Variants in TMPRSS15 observed in about 807,000 individuals in gnomAD.
The protein encoded by TMPRSS15 is transmembrane serine protease 15.
In TMPRSS15, 128 loss-of-function variants were observed where a neutral mutation model predicts 125.3. The ratio of observed to expected loss-of-function variants is 1.02; its 90% CI spans 0.89 to 1.18. The LOEUF (loss-of-function observed/expected upper bound fraction) is 1.18, where lower values mean the gene tolerates loss of function less well. TMPRSS15 is among the 50% of genes most tolerant of loss of function. The pLI is 0.00. For synonymous variants in TMPRSS15, 446 were observed against 423.2 expected (o/e 1.05, Z -0.66); for missense variants, 1,283 against 1,212.7 (o/e 1.06, Z -0.86).
chr21:18,383,794 G>T lies in TMPRSS15; in HGVS notation c.345-16C>A, dbSNP rs1347892598. On this transcript the variant is annotated splice_polypyrimidine_tract_variant and intron_variant, in intron 3 of 24. Coordinates refer to ENST00000284885, the MANE Select transcript of TMPRSS15 (RefSeq NM_002772.3). ...GCTGCCATTTCTGCAAAGCAAAAGA[G>T]GATATAAGAGGAAAAAGTCAGCCAT... The T allele has an allele frequency of 1.9e-6, 3 of 1,610,260 alleles. No homozygotes were observed. In the African/African-American group the frequency reaches 4.0e-5, roughly 22 times the overall value.
At position 18,352,951 on chromosome 21, in the gene TMPRSS15, A is replaced by T. The variant is rs946527463; in HGVS notation, c.1123T>A (p.Ser375Thr). Reference protein sequence around the residue: ...EWERIQGSTFSPFTGPNFDHT... With the variant: ...EWERIQGSTFTPFTGPNFDHT... ...TCAAAATTGGGTCCAGTAAAAGGAG[A>T]AAAGGTGCTTCCCTGAATCCTTTCC... The change falls in exon 10 of 25, where the codon TCT (serine) becomes ACT (threonine). Residue 375 changes from serine to threonine, a missense_variant. By Grantham distance (58) the Ser-to-Thr change is moderately conservative (BLOSUM62 1). Transcript: ENST00000284885. 1 of 1,612,286 alleles carries T rather than the reference A, an allele frequency of 6.2e-7. No homozygotes were observed. The highest frequency in any genetic ancestry group is 8.5e-7 in the Non-Finnish European group (1 of 1,178,876).
intron 1 of TMPRSS15, among the ~76,000 whole-genome samples, chr21:18,457,308 C>T (rs1473373958): frequency 6.6e-6 from 1 of 151,962 alleles, no homozygotes; most frequent in Non-Finnish European, 1.5e-5. Context: ...ATATTTGAGG[C>T]TTTCATATTT....
chr21:18,355,790 C>A (rs2147013064), intron 8 of TMPRSS15, among the ~76,000 whole-genome samples: 1 of 151,926 alleles, frequency 6.6e-6, no homozygotes. Context: ...GCTTCTCTAT[C>A]TCACCAACTA....
chr21:18,364,790 T>A (rs955362108), intron 7 of TMPRSS15, among the ~76,000 whole-genome samples: 1 of 152,144 alleles, frequency 6.6e-6, no homozygotes, highest in Non-Finnish European at 1.5e-5. Flanking sequence ...AGAAAATATT[T>A]TATAGACAAA....
chr21:18,341,292 A>T, intron 13 of TMPRSS15, 121 bp downstream of exon 13: 1 of 1,250,450 alleles, frequency 8.0e-7, no homozygotes, highest in African/African-American at 1.5e-5. Flanking sequence ...GCTGGTCTCA[A>T]ACTCCTGGCT....
At chr21:18,422,101 A>G (rs2076193408) in intron 1 of TMPRSS15, among the ~76,000 whole-genome samples, 1 of 150,944 alleles carries the variant, frequency 6.6e-6, no homozygotes, top group East Asian at 2.0e-4. Flanking sequence ...CTTCTGCCTC[A>G]GCCTCCTGAG....
At chr21:18,428,387 A>T (rs558360100) in intron 1 of TMPRSS15, among the ~76,000 whole-genome samples, 1 of 152,316 alleles carries the variant, frequency 6.6e-6, no homozygotes, top group South Asian at 2.1e-4. Context: ...AGAAATTTGC[A>T]TAAGTAACAA....
rs1261134107 is a variant in TMPRSS15, at chr21:18,324,374, A to G, written c.1921+2058T>C. On this transcript the variant is annotated intron_variant, in intron 16 of 24. Coordinates refer to ENST00000284885, the MANE Select transcript of TMPRSS15 (RefSeq NM_002772.3). ...TTTTGTGGAAATGTGTGTGTTCTGC[A>G]CAAGAGGTTTTGAATTGTTGTGCAT... Among the ~76,000 whole-genome samples, 5 of 152,232 alleles carry G rather than the reference A, an allele frequency of 3.3e-5. No homozygotes were observed. The East Asian group carries it at 7.7e-4, about 24-fold the overall frequency.
intron 1 of TMPRSS15, among the ~76,000 whole-genome samples, chr21:18,429,122 C>T (rs1189800892): frequency 6.6e-6 from 1 of 152,130 alleles, no homozygotes; most frequent in East Asian, 1.9e-4. Context: ...GACTGTCCTG[C>T]TGGATTTCAG....
At chr21:18,356,355 T>C (rs2075624746) in intron 8 of TMPRSS15, among the ~76,000 whole-genome samples, 1 of 151,800 alleles carries the variant, frequency 6.6e-6, no homozygotes, top group African/African-American at 2.4e-5. Context: ...GTACCATCTT[T>C]ATTATAAAAT....
intron 3 of TMPRSS15, among the ~76,000 whole-genome samples, chr21:18,386,456 A>AG (rs1164990250): frequency 6.6e-6 from 1 of 152,214 alleles, no homozygotes; most frequent in Non-Finnish European, 1.5e-5. Context: ...CATAGTTAGC[A>AG]GAATTTTATA....
intron 1 of TMPRSS15, among the ~76,000 whole-genome samples, chr21:18,437,935 A>G (rs2076231603): frequency 1.3e-5 from 2 of 151,736 alleles, no homozygotes. Context: ...TCAGGGATCT[A>G]GAACTAGAAA....
chr21:18,436,097 A>G (rs111726345), intron 1 of TMPRSS15, among the ~76,000 whole-genome samples: 87 of 150,856 alleles, frequency 5.8e-4, no homozygotes, highest in Admixed American at 2.6e-3. Flanking sequence ...TGGATTCATT[A>G]ATTTTTTGAA....
At chr21:18,405,792 G>T (rs2076150048), upstream of TMPRSS15, among the ~76,000 whole-genome samples, 1 of 152,008 alleles carries the variant, frequency 6.6e-6, no homozygotes, top group Non-Finnish European at 1.5e-5. Context: ...AATTTTAGAA[G>T]AAAATATAGA....
At chr21:18,428,871 G>A (rs976134222) in intron 1 of TMPRSS15, among the ~76,000 whole-genome samples, 2 of 152,206 alleles carry the variant, frequency 1.3e-5, no homozygotes, top group Non-Finnish European at 2.9e-5. Context: ...GCTGTGAGAA[G>A]AGAGTCACTT....
chr21:18,309,731 A>G (rs1693523955), intron 18 of TMPRSS15, among the ~76,000 whole-genome samples: 1 of 152,212 alleles, frequency 6.6e-6, no homozygotes, highest in Non-Finnish European at 1.5e-5. Flanking sequence ...ACAATGAGAT[A>G]CCATCTCACG....
chr21:18,327,498 C>T (rs1487845196), intron 15 of TMPRSS15, among the ~76,000 whole-genome samples: 1 of 152,130 alleles, frequency 6.6e-6, no homozygotes, highest in Non-Finnish European at 1.5e-5. Context: ...AGCTCACACT[C>T]TAGAACTTTG....
intron 1 of TMPRSS15, among the ~76,000 whole-genome samples, chr21:18,469,652 T>C (rs145196861): frequency 2.6e-4 from 39 of 152,182 alleles, no homozygotes; most frequent in African/African-American, 7.2e-4. Flanking sequence ...CCACATATCA[T>C]GATAGATTTT....
At chr21:18,395,499 C>T (rs1185732388) in intron 3 of TMPRSS15, among the ~76,000 whole-genome samples, 1 of 152,182 alleles carries the variant, frequency 6.6e-6, no homozygotes, top group Non-Finnish European at 1.5e-5. Flanking sequence ...AACAAATTGA[C>T]AAGCTTGTGG....
Sources: allele counts gnomAD v4.1 joint callset (sites outside exome capture counted in the v4.1 genomes callset), GRCh38; gene constraint gnomAD v4.1.1; transcripts MANE v1.5; gene names NCBI Gene and HGNC (gene_info 2026-07-23, HGNC 2026-07-21).